CACNA2D3: variants seen among roughly 807,000 people sequenced by gnomAD.
CACNA2D3 encodes voltage-dependent calcium channel subunit alpha-2/delta-3.
CACNA2D3 carries 60 observed loss-of-function variants against 160.6 expected under a neutral mutation model. The ratio of observed to expected loss-of-function variants is 0.37; its 90% confidence interval spans 0.30 to 0.46. The LOEUF (loss-of-function observed/expected upper bound fraction) is 0.46, where lower values mean the gene tolerates loss of function less well. Ranked by LOEUF, CACNA2D3 falls within the 20% of genes least tolerant of loss-of-function variation. The pLI, the probability that CACNA2D3 is intolerant of heterozygous loss-of-function variation, is 1.00. For synonymous variants in CACNA2D3, 558 were observed against 492.9 expected (o/e 1.13, Z -1.75); for missense variants, 1,205 against 1,365.0 (o/e 0.88, Z 1.85).
chr3:54,723,908 C>A (rs1701225073), intron 11 of CACNA2D3, among the ~76,000 whole-genome samples: 1 of 152,162 alleles, frequency 6.6e-6, no homozygotes, highest in Admixed American at 6.5e-5. Flanking sequence ...GGATCAAATT[C>A]ACACATAACA....
chr3:54,504,172 G>T (rs924181577), intron 5 of CACNA2D3, among the ~76,000 whole-genome samples: 38 of 152,208 alleles, frequency 2.5e-4, no homozygotes, highest in African/African-American at 8.7e-4. Context: ...AACAGCTGGG[G>T]TCTTTTCTTA....
chr3:54,896,845 C>A lies in CACNA2D3; in HGVS notation c.2343C>A (p.Phe781Leu). ...CCGCTGAGCAGATTCCAGGGAGCTT[C>A]GTCTACTCGATCCCATTCAGCACTG... ...RRAAEQIPGS[F>L]VYSIPFSTGP... The change falls in exon 26 of 38, where the codon TTC (phenylalanine) becomes TTA (leucine). Residue 781 changes from phenylalanine to leucine, a missense_variant. Phe to Leu is a conservative substitution (Grantham distance 22). Transcript: ENST00000474759. 1.2e-6 allele frequency: 2 copies of A among 1,613,976 alleles called. No individual in the cohort carries two copies. The highest frequency in any genetic ancestry group is 1.7e-6 in the Non-Finnish European group (2 of 1,179,874).
intron 11 of CACNA2D3, among the ~76,000 whole-genome samples, chr3:54,660,880 A>T (rs1424461288): frequency 6.6e-6 from 1 of 152,146 alleles, no homozygotes; most frequent in East Asian, 1.9e-4. Flanking sequence ...GTAAAAATAG[A>T]TTTTGTTCTA....
chr3:54,308,119 T>G (rs1178878442), intron 2 of CACNA2D3, among the ~76,000 whole-genome samples: 1 of 152,188 alleles, frequency 6.6e-6, no homozygotes, highest in Non-Finnish European at 1.5e-5. Flanking sequence ...CCAGCCAAGT[T>G]TTAATCTGAG....
At chr3:54,525,800 T>G (rs1411715897) in intron 5 of CACNA2D3, among the ~76,000 whole-genome samples, 1 of 151,978 alleles carries the variant, frequency 6.6e-6, no homozygotes, top group African/African-American at 2.4e-5. Flanking sequence ...TTCTATGATG[T>G]GTCTTTTTGC....
intron 3 of CACNA2D3, among the ~76,000 whole-genome samples, chr3:54,329,818 A>C (rs1704205290): frequency 6.6e-6 from 1 of 152,232 alleles, no homozygotes; most frequent in African/African-American, 2.4e-5. Flanking sequence ...AACAAATTAA[A>C]GGGTTTCAGA....
In CACNA2D3 at chr3:54,392,091, C is replaced by G. The variant is rs561001305; in HGVS notation, c.381+5317C>G. ...TTTTAAAAAATACTACCCTATGTCTCAGTTATTACATGTAATTATTTTAGT... is the reference window on the plus strand; with the variant it reads ...TTTTAAAAAATACTACCCTATGTCTGAGTTATTACATGTAATTATTTTAGT... On this transcript the variant is annotated intron_variant, in intron 4 of 37. Transcript: ENST00000474759. Among the ~76,000 whole-genome samples, 3 of 152,176 alleles carry G rather than the reference C, an allele frequency of 2.0e-5. No homozygotes were observed. The South Asian group carries it at 6.2e-4, about 32-fold the overall frequency.
chr3:54,695,203 A>C (rs1452117809), intron 11 of CACNA2D3, among the ~76,000 whole-genome samples: 1 of 152,022 alleles, frequency 6.6e-6, no homozygotes, highest in Non-Finnish European at 1.5e-5. Flanking sequence ...TTTTTAGTAG[A>C]GATGGGGTTT....
intron 27 of CACNA2D3, among the ~76,000 whole-genome samples, chr3:54,953,856 G>C (rs1382185109): frequency 6.6e-6 from 1 of 152,168 alleles, no homozygotes; most frequent in East Asian, 1.9e-4. Context: ...AAGCAGACCT[G>C]AGGAAAGGCC....
intron 11 of CACNA2D3, among the ~76,000 whole-genome samples, chr3:54,691,462 C>T (rs1271953295): frequency 2.0e-5 from 3 of 151,906 alleles, no homozygotes; most frequent in Non-Finnish European, 1.5e-5. Context: ...CACATCCAGG[C>T]AATATTCAGT....
intron 3 of CACNA2D3, among the ~76,000 whole-genome samples, chr3:54,338,883 T>C (rs1704454449): frequency 6.6e-6 from 1 of 152,140 alleles, no homozygotes; most frequent in Non-Finnish European, 1.5e-5. Flanking sequence ...ATTAATTGTC[T>C]TTTCTAGTTA....
At position 54,849,839 on chromosome 3, in the gene CACNA2D3, C is replaced by T. The variant is rs116292440; in HGVS notation, c.1626+3372C>T. On this transcript the variant is annotated intron_variant, in intron 17 of 37. Coordinates refer to ENST00000474759, the MANE Select transcript of CACNA2D3 (RefSeq NM_018398.3). ...TCTCCATCTGCCATGGACTTTGTTT[C>T]GGCCCCTACAGCCAGAGGAAAGAGG... 7.2e-3 allele frequency among the ~76,000 whole-genome samples: 1,090 copies of T among 152,276 alleles called. 11 individuals are homozygous for T. The highest frequency in any genetic ancestry group is 0.024 in the African/African-American group (983 of 41,542).
At chr3:54,232,220 T>A (rs1701784136) in intron 2 of CACNA2D3, among the ~76,000 whole-genome samples, 1 of 152,186 alleles carries the variant, frequency 6.6e-6, no homozygotes, top group African/African-American at 2.4e-5. Flanking sequence ...GTTGCTGGCT[T>A]TATGCTCTCA....
intron 2 of CACNA2D3, among the ~76,000 whole-genome samples, chr3:54,226,066 C>T (rs1009490445): frequency 1.3e-5 from 2 of 152,260 alleles, no homozygotes; most frequent in African/African-American, 4.8e-5. Flanking sequence ...GACTGAAAGC[C>T]TGGAGCGTTT....
At chr3:54,570,143 C>T (rs1182867996) in intron 8 of CACNA2D3, 39 bp downstream of exon 8, 1 of 1,598,900 alleles carries the variant, frequency 6.3e-7, no homozygotes, top group South Asian at 1.1e-5. Context: ...CACTTGGGTT[C>T]ATTTGATCTT....
chr3:54,201,568 C>G (rs887718377), intron 2 of CACNA2D3, among the ~76,000 whole-genome samples: 8 of 152,156 alleles, frequency 5.3e-5, no homozygotes, highest in African/African-American at 1.9e-4. Flanking sequence ...AGTAAATAGT[C>G]TACAACTGAC....
intron 2 of CACNA2D3, among the ~76,000 whole-genome samples, chr3:54,192,781 C>T (rs1701007140): frequency 6.6e-6 from 1 of 152,048 alleles, no homozygotes; most frequent in African/African-American, 2.4e-5. Context: ...GCAAATGAAC[C>T]AGGGGTTACT....
intron 30 of CACNA2D3, among the ~76,000 whole-genome samples, chr3:54,985,515 C>T (rs1004408697): frequency 6.6e-6 from 1 of 152,182 alleles, no homozygotes; most frequent in South Asian, 2.1e-4. Context: ...TAGCTCTCTT[C>T]CTTAACTAGT....
chr3:54,879,121 A>T (rs754064213), intron 19 of CACNA2D3, 32 bp downstream of exon 19: 1 of 1,397,714 alleles, frequency 7.2e-7, no homozygotes, highest in South Asian at 1.2e-5. Context: ...TTGCTGCTTA[A>T]TTTAAAACAA....
Sources: gnomAD v4.1 joint callset for allele counts (sites outside exome capture counted in the v4.1 genomes callset) on GRCh38, gnomAD v4.1.1 for gene constraint, MANE v1.5 for transcripts, NCBI Gene and HGNC (gene_info 2026-07-23, HGNC 2026-07-21) for gene names.